The following NCR1 variants were observed in gnomAD, a reference collection of about 807,000 sequenced individuals.
NCR1 encodes NK cell-activating receptor.
A neutral mutation model predicts 32.5 loss-of-function variants in NCR1; 30 were observed. The ratio of observed to expected loss-of-function variants is 0.92; its 90% CI spans 0.69 to 1.25. The LOEUF is 1.25. Among genes scored for constraint, NCR1 ranks in the 50% most tolerant of loss-of-function variants. The pLI is 0.00. For missense variants in NCR1, 369 were observed against 380.7 expected, an observed-to-expected ratio of 0.97 and a Z score of 0.26; for synonymous variants, 169 against 143.4, an observed-to-expected ratio of 1.18 and a Z score of -1.28.
chr19:54,929,438 G>GTGCAGATTCTCTTTGCATTAGGAT, the NCR1 span, among the ~76,000 whole-genome samples: 3 of 152,110 alleles, frequency 2.0e-5, no homozygotes, highest in African/African-American at 7.2e-5. Flanking sequence ...TAGTAATGAC[G>GTGCAGATTCTCTTTGCATTAGGAT]TGCAGATTCT....
At chr19:54,924,280 T>C in the NCR1 span, among the ~76,000 whole-genome samples, 1 of 152,240 alleles carries the variant, frequency 6.6e-6, no homozygotes, top group East Asian at 1.9e-4. Flanking sequence ...AAAAGTTTTC[T>C]AAAAAGAAAT....
rs1400782240 is a variant in NCR1, at chr19:54,912,951, A to G, written c.*80A>G. 7.2e-7 allele frequency: 1 copy of G among 1,392,744 alleles called. No individual in the cohort carries two copies. The highest frequency in any genetic ancestry group is 9.8e-7 in the Non-Finnish European group (1 of 1,022,828). 86.3% of individuals were successfully genotyped at this position (1,392,744 alleles called of 1,614,324 possible). The stretch of plus-strand genomic sequence containing the variant: ...CTGGGCGGCGTGAGCTCTGTGTTGG[A>G]CCCACGGAGGAGGGAGTCACTGCAG... On this transcript the variant is annotated 3_prime_UTR_variant, in exon 7 of 7. Coordinates refer to ENST00000291890, the MANE Select transcript of NCR1 (RefSeq NM_004829.7).
chr19:54,933,128 G>GT, the NCR1 span, among the ~76,000 whole-genome samples: 2 of 151,688 alleles, frequency 1.3e-5, no homozygotes, highest in East Asian at 3.9e-4. Flanking sequence ...GTTTCTACCT[G>GT]TATCTGCCTG....
At chr19:54,903,168 C>A (rs1339132818), upstream of NCR1, among the ~76,000 whole-genome samples, 1 of 151,506 alleles carries the variant, frequency 6.6e-6, no homozygotes, top group East Asian at 1.9e-4. Context: ...TTGTTTGCCT[C>A]AAGAAGATAC....
the NCR1 span, among the ~76,000 whole-genome samples, chr19:54,925,617 A>G: frequency 4.6e-5 from 7 of 152,168 alleles, no homozygotes; most frequent in African/African-American, 1.7e-4. Flanking sequence ...AACCTCGGCA[A>G]CACGGCCACA....
chr19:54,904,133 A>G (rs1295141809), upstream of NCR1, among the ~76,000 whole-genome samples: 1 of 141,758 alleles, frequency 7.1e-6, no homozygotes, highest in African/African-American at 2.7e-5. Flanking sequence ...CTCAAAAAAA[A>G]AAAAAAAAAA....
downstream of NCR1, among the ~76,000 whole-genome samples, chr19:54,920,684 A>C (rs938622423): frequency 6.6e-6 from 1 of 152,176 alleles, no homozygotes; most frequent in African/African-American, 2.4e-5. Context: ...AAAATTAGCC[A>C]AGCATGTTTG....
Position 54,909,146 on chromosome 19 carries a change from G to A in NCR1, c.356-99G>A, listed in dbSNP as rs879198313. 47 of 1,217,432 alleles carry A rather than the reference G, an allele frequency of 3.9e-5. No homozygotes were observed. The South Asian group carries it at 7.0e-4, about 18-fold the overall frequency. The allele number at this position is 1,217,432 out of a possible 1,614,324, so 75.4% of individuals were successfully genotyped here. On this transcript the variant is annotated intron_variant, in intron 3 of 6. Transcript: ENST00000291890. ...GATCGTGTCACTGCACTCCAGCCTG[G>A]GCGACAGAGAGAGACTCCATCTCTA... is the stretch of plus-strand genomic sequence containing the variant.
At chr19:54,936,450 G>C in the NCR1 span, 4 of 1,604,848 alleles carry the variant, frequency 2.5e-6, no homozygotes, top group Non-Finnish European at 3.4e-6. Context: ...AAGCAGAAGA[G>C]ATTCCACTTG....
the NCR1 span, among the ~76,000 whole-genome samples, chr19:54,930,124 A>C: frequency 6.6e-6 from 1 of 150,842 alleles, no homozygotes; most frequent in Non-Finnish European, 1.5e-5. Context: ...TCAAAAAAAA[A>C]AAAAAAAAAA....
the NCR1 span, among the ~76,000 whole-genome samples, chr19:54,935,166 T>C: frequency 2.0e-5 from 3 of 152,032 alleles, no homozygotes; most frequent in Admixed American, 6.6e-5. Context: ...CTCCAAGAGA[T>C]TGTAATACAA....
At chr19:54,923,471 A>T in the NCR1 span, 110 of 532,768 alleles carry the variant, frequency 2.1e-4, no homozygotes, top group Non-Finnish European at 3.5e-4. Context: ...TACCATGTTT[A>T]TTGCAGGTTT....
At chr19:54,898,351 T>C in the NCR1 span, among the ~76,000 whole-genome samples, 1 of 152,130 alleles carries the variant, frequency 6.6e-6, no homozygotes, top group African/African-American at 2.4e-5. Context: ...TGTAGCAAGC[T>C]CCTGGGGGAA....
chr19:54,903,577 TAC>T (rs368590759), upstream of NCR1, among the ~76,000 whole-genome samples: 547 of 149,182 alleles, frequency 3.7e-3, 21 homozygotes, highest in African/African-American at 0.013. Context: ...TGTGTATATA[TAC>T]GCATATACAT....
chr19:54,911,859 T>A (rs1393340925), intron 5 of NCR1, among the ~76,000 whole-genome samples: 3 of 150,680 alleles, frequency 2.0e-5, no homozygotes, highest in African/African-American at 7.3e-5. Flanking sequence ...CCTGGGTATG[T>A]GGTGTGTGCC....
At chr19:54,906,079 G>A, upstream of NCR1, 5 of 1,377,352 alleles carry the variant, frequency 3.6e-6, no homozygotes, top group Admixed American at 3.4e-5. Flanking sequence ...ACGTGAAAGC[G>A]CTCTGGTGAT....
At chr19:54,922,484 AACAG>A in the NCR1 span, among the ~76,000 whole-genome samples, 3 of 151,714 alleles carry the variant, frequency 2.0e-5, no homozygotes, top group Admixed American at 6.6e-5. Context: ...CTCACACAGA[AACAG>A]ACAGACAGGC....
chr19:54,906,001 C>T, upstream of NCR1: 1 of 701,434 alleles, frequency 1.4e-6, no homozygotes, highest in Non-Finnish European at 2.5e-6. Context: ...TCAGAGGGAC[C>T]ACGGCCTTTC....
intron 5 of NCR1, 75 bp from the exon 6 acceptor site, chr19:54,912,093 G>GT: frequency 7.8e-7 from 1 of 1,289,002 alleles, no homozygotes. Context: ...ACGTCATGGG[G>GT]TAGACCCAAG....
Sources: gnomAD v4.1 joint callset for allele counts (sites outside exome capture counted in the v4.1 genomes callset) on GRCh38, gnomAD v4.1.1 for gene constraint, MANE v1.5 for transcripts, NCBI Gene and HGNC (gene_info 2026-07-23, HGNC 2026-07-21) for gene names.